Variants in XRN2 observed in about 807,000 individuals in gnomAD.
XRN2 encodes the protein DHM1-like protein.
In XRN2, 44 loss-of-function variants were observed where a neutral mutation model predicts 138.5. That is an observed-to-expected ratio of 0.32 (90% confidence interval 0.25 to 0.41). The LOEUF is 0.41. XRN2 is among the 10% of genes least tolerant of loss of function. The pLI, the probability that XRN2 is intolerant of heterozygous loss-of-function variation, is 1.00. For missense variants in XRN2, 937 were observed against 1,169.3 expected (o/e 0.80, Z 2.90); for synonymous variants, 354 against 369.4 (o/e 0.96, Z 0.48).
chr20:21,352,414 G>A (rs545564257), intron 20 of XRN2, among the ~76,000 whole-genome samples: 3 of 151,772 alleles, frequency 2.0e-5, no homozygotes, highest in South Asian at 2.1e-4. Flanking sequence ...TGTAACCTCC[G>A]TCTCACAGGT....
chr20:21,368,608 G>T lies in XRN2; in HGVS notation c.2584+18G>T, dbSNP rs377037182. On this transcript the variant is annotated intron_variant, in intron 27 of 29. Transcript: ENST00000377191. Reference sequence around the variant, plus strand: ...TATGTCAAGTAAGCTTTTACAAATCGGTTATTTTACATTATAAATTAAATA... The same window carrying T: ...TATGTCAAGTAAGCTTTTACAAATCTGTTATTTTACATTATAAATTAAATA... 1.2e-6 allele frequency: 2 copies of T among 1,607,528 alleles called. No homozygotes were observed. The highest frequency in any genetic ancestry group is 2.2e-5 in the South Asian group (2 of 89,276).
At chr20:21,344,664 G>GT (rs2122242413) in intron 16 of XRN2, among the ~76,000 whole-genome samples, 1 of 152,298 alleles carries the variant, frequency 6.6e-6, no homozygotes, top group African/African-American at 2.4e-5. Context: ...AAATCATTCT[G>GT]TTAAGAGATC....
At chr20:21,303,775 T>C in intron 1 of XRN2, 1 of 1,160,682 alleles carries the variant, frequency 8.6e-7, no homozygotes, top group African/African-American at 1.6e-5. Flanking sequence ...CCCACTGCTT[T>C]GTTTCCTCTC....
At chr20:21,352,209 T>G (rs1376733754) in intron 20 of XRN2, among the ~76,000 whole-genome samples, 1 of 152,214 alleles carries the variant, frequency 6.6e-6, no homozygotes, top group Non-Finnish European at 1.5e-5. Flanking sequence ...AAAACTTACT[T>G]AGTGAAAGTA....
chr20:21,357,050 A>C (rs2038584250), intron 23 of XRN2, among the ~76,000 whole-genome samples: 3 of 152,214 alleles, frequency 2.0e-5, no homozygotes, highest in Admixed American at 6.5e-5. Flanking sequence ...GATATTAATG[A>C]GATTTTTGAA....
Position 21,328,565 on chromosome 20 carries a change from C to T in XRN2, c.322C>T (p.Arg108Cys), listed in dbSNP as rs907978875. ...ATATGAAATACATTTTCAGGCACCA[C>T]GTGCTAAAATGAACCAGCAGCGTTC... Reference protein sequence around the residue: ...LYMAIDGVAPRAKMNQQRSRR... With the variant: ...LYMAIDGVAPCAKMNQQRSRR... The change falls in exon 4 of 30, where the codon CGT (arginine) becomes TGT (cysteine). Residue 108 changes from arginine to cysteine, a missense_variant. By Grantham distance (180) the Arg-to-Cys change is radical. Around this residue, in one of 6 missense-constraint regions of XRN2, gnomAD observed 6 missense variants for 25.6 expected, o/e 0.23. Transcript: ENST00000377191. 1 of 1,613,382 alleles carries T rather than the reference C, an allele frequency of 6.2e-7. No individual in the cohort carries two copies. Among genetic ancestry groups the T allele is most frequent in the Non-Finnish European group, 8.5e-7 (1 of 1,179,694 alleles).
intron 27 of XRN2, among the ~76,000 whole-genome samples, chr20:21,374,085 G>A (rs1019468437): frequency 6.6e-6 from 1 of 152,062 alleles, no homozygotes; most frequent in African/African-American, 2.4e-5. Flanking sequence ...TATAATTGAT[G>A]TGTTTTGATG....
rs757089878 is a variant in XRN2 at position 21,330,690 on chromosome 20, G to T, written c.561G>T (p.Gly187=). 5.6e-6 allele frequency: 9 copies of T among 1,612,380 alleles called. No homozygotes were observed. Among genetic ancestry groups the T allele is most frequent in the Non-Finnish European group, 7.6e-6 (9 of 1,179,890 alleles). ...YIADRLNNDP[G]WKNLTVILSD... is the part of the protein sequence containing the mutation. ...CTGATCGTTTAAATAATGACCCTGGGTGGAAAAATTTGACAGTAAGTTTCA... is the reference window on the plus strand; with the variant it reads ...CTGATCGTTTAAATAATGACCCTGGTTGGAAAAATTTGACAGTAAGTTTCA... The change falls in exon 6 of 30, where the codon GGG becomes GGT. Residue 187 remains glycine, a synonymous_variant. Transcript: ENST00000377191.
At chr20:21,346,909 G>A (rs1410128359) in intron 17 of XRN2, among the ~76,000 whole-genome samples, 1 of 152,114 alleles carries the variant, frequency 6.6e-6, no homozygotes, top group African/African-American at 2.4e-5. Flanking sequence ...GAACCACTGC[G>A]TCCAGCCCAG....
chr20:21,349,051 G>C (rs1001817497), intron 19 of XRN2, among the ~76,000 whole-genome samples: 2 of 152,162 alleles, frequency 1.3e-5, no homozygotes, highest in African/African-American at 4.8e-5. Flanking sequence ...AAAATCACCT[G>C]TGAACTTGTT....
At position 21,339,037 on chromosome 20, in the gene XRN2, C is replaced by G. The variant is rs1364227011; in HGVS notation, c.1234-7C>G. 6.2e-7 allele frequency: 1 copy of G among 1,601,362 alleles called. No individual in the cohort carries two copies. Among genetic ancestry groups the G allele is most frequent in the Non-Finnish European group, 8.5e-7 (1 of 1,171,702 alleles). On this transcript the variant is annotated splice_region_variant and splice_polypyrimidine_tract_variant and intron_variant, in intron 13 of 29. Coordinates refer to ENST00000377191, the MANE Select transcript of XRN2 (RefSeq NM_012255.5). ...TTTGACAGAATATGTGGATTTTATACTTTTAGGACAGTTTTAGAAGACGAC... is the reference window on the plus strand; with the variant it reads ...TTTGACAGAATATGTGGATTTTATAGTTTTAGGACAGTTTTAGAAGACGAC...
At chr20:21,377,257 G>GTTTTTTTTTTTTTTTTTTTTTTTTT (rs1166479171) in intron 27 of XRN2, among the ~76,000 whole-genome samples, 3 of 30,302 alleles carry the variant, frequency 9.9e-5, no homozygotes, top group East Asian at 2.4e-3. Context: ...TGATTTGTCG[G>GTTTTTTTTTTTTTTTTTTTTTTTTT]TTTTTTCTTT....
chr20:21,314,281 G>A (rs376570870), intron 1 of XRN2, among the ~76,000 whole-genome samples: 76 of 152,176 alleles, frequency 5.0e-4, no homozygotes, highest in African/African-American at 1.8e-3. Flanking sequence ...ATTTGCTTAT[G>A]GCCAAATACT....
chr20:21,342,324 C>G (rs1333411346), intron 15 of XRN2, among the ~76,000 whole-genome samples: 2 of 151,808 alleles, frequency 1.3e-5, no homozygotes, highest in Non-Finnish European at 2.9e-5. Flanking sequence ...ATTTAGCGTT[C>G]TTCAGTGTGG....
At position 21,303,371 on chromosome 20, in the gene XRN2, C is replaced by G. The variant is rs1477785560; in HGVS notation, c.-28C>G. On this transcript the variant is annotated 5_prime_UTR_variant, in exon 1 of 30. Coordinates refer to ENST00000377191, the MANE Select transcript of XRN2 (RefSeq NM_012255.5). ...TCTTTGGTTACGCTCGTCAGCCGGTCGGCCGCCGCCTCCAGCCGTGTGCCG... is the reference window on the plus strand; with the variant it reads ...TCTTTGGTTACGCTCGTCAGCCGGTGGGCCGCCGCCTCCAGCCGTGTGCCG... 1.9e-6 allele frequency: 3 copies of G among 1,541,830 alleles called. No individual in the cohort carries two copies. Among genetic ancestry groups the G allele is most frequent in the Non-Finnish European group, 2.6e-6 (3 of 1,144,002 alleles).
chr20:21,320,393 G>A (rs537888933), intron 1 of XRN2, among the ~76,000 whole-genome samples: 6 of 151,998 alleles, frequency 3.9e-5, no homozygotes, highest in East Asian at 1.9e-4. Context: ...TCCACCTCCC[G>A]GGTTCACGCC....
chr20:21,332,072 A>G (rs1003804543), intron 8 of XRN2, among the ~76,000 whole-genome samples: 1 of 152,148 alleles, frequency 6.6e-6, no homozygotes, highest in East Asian at 1.9e-4. Context: ...CCAAGTGTTT[A>G]ATCCTTAGTG....
At chr20:21,332,510 A>G in intron 9 of XRN2, 70 bp downstream of exon 9, 1 of 1,415,352 alleles carries the variant, frequency 7.1e-7, no homozygotes, top group Non-Finnish European at 9.5e-7. Context: ...TATATGACAT[A>G]AAATATCATT....
Position 21,347,740 on chromosome 20 carries a change from G to A in XRN2, c.1666-406G>A, listed in dbSNP as rs139222989. Among the ~76,000 whole-genome samples, 490 of 152,284 alleles carry A rather than the reference G, an allele frequency of 3.2e-3. 2 individuals carry two copies. Among genetic ancestry groups the A allele is most frequent in the African/African-American group, 0.011 (473 of 41,572 alleles). The stretch of plus-strand genomic sequence containing the variant: ...TACTTTCAACTGCTGTTCCAATAAT[G>A]TCTCTAACCACCTTACATGCTCAGT... On this transcript the variant is annotated intron_variant, in intron 17 of 29. Coordinates refer to ENST00000377191, the MANE Select transcript of XRN2 (RefSeq NM_012255.5).
Sources: gnomAD v4.1 joint callset for allele counts (sites outside exome capture counted in the v4.1 genomes callset) on GRCh38, gnomAD v4.1.1 for gene constraint, gnomAD v4.1.1 regional missense constraint, MANE v1.5 for transcripts, NCBI Gene and HGNC (gene_info 2026-07-23, HGNC 2026-07-21) for gene names.